The following ACIN1 variants were observed in gnomAD, a reference collection of about 807,000 sequenced individuals.
The protein encoded by ACIN1 is apoptotic chromatin condensation inducer 1.
In ACIN1, 16 loss-of-function variants were observed where a neutral mutation model predicts 146.6. That is an observed-to-expected ratio of 0.11 (90% CI 0.07 to 0.17). The LOEUF (loss-of-function observed/expected upper bound fraction) is 0.17. ACIN1 is among the 10% of genes least tolerant of loss of function. ACIN1 has a pLI of 1.00. For synonymous variants in ACIN1, 569 were observed against 582.7 expected, an observed-to-expected ratio of 0.98 and a Z score of 0.34; for missense variants, 1,357 against 1,609.3, an observed-to-expected ratio of 0.84 and a Z score of 2.68.
At chr14:23,086,806 G>T (rs1276824165) in intron 4 of ACIN1, among the ~76,000 whole-genome samples, 1 of 152,090 alleles carries the variant, frequency 6.6e-6, no homozygotes, top group African/African-American at 2.4e-5. Flanking sequence ...TTGGAATTTT[G>T]CCAATAGCAT....
rs1365490657 is a variant in ACIN1 at position 23,080,366 on chromosome 14, C to T, written c.969G>A (p.Lys323=). 1 of 1,614,178 alleles carries T rather than the reference C, an allele frequency of 6.2e-7. No homozygotes were observed. The highest frequency in any genetic ancestry group is 1.3e-5 in the African/African-American group (1 of 75,032). ...GAGGGGAAGGAGACTTCGATTTTTC[C>T]TTTAAGCCTTGTGAAGATTTTATTT... is the stretch of plus-strand genomic sequence containing the variant. ...EREIKSSQGL[K]EKSKSPSPPR... is the part of the protein sequence containing the mutation. Residue 323 remains lysine (K), a synonymous_variant, in exon 6 of 19, where the codon AAG becomes AAA. Transcript: ENST00000605057.
rs2047500878 is a variant in ACIN1 at position 23,067,628 on chromosome 14, A to G, written c.2266-1620T>C. The G allele has an allele frequency of 1.0e-6, 1 of 985,848 alleles. No homozygotes were observed. The highest frequency in any genetic ancestry group is 6.1e-5 in the Admixed American group (1 of 16,270). 61.1% of individuals were successfully genotyped at this position (985,848 alleles called of 1,614,324 possible). A position where few individuals can be genotyped will look rare whatever the true frequency, so the allele number is the denominator to read the frequency against. On this transcript the variant is annotated intron_variant, in intron 9 of 18. Transcript: ENST00000605057. The surrounding 1 kb of genome is among the most constrained non-coding windows in gnomAD (Gnocchi z 4.6). ...GGCAGAGACATCAGTCCTGGCCCTG[A>G]AGGGACATCATCTTGCAGTCCCTGA... is the stretch of plus-strand genomic sequence containing the variant.
Position 23,080,052 on chromosome 14 carries a change from G to T in ACIN1, c.1283C>A (p.Thr428Asn). Residue 428 changes from threonine (T) to asparagine (N), a missense_variant, in exon 6 of 19, where the codon ACC (threonine) becomes AAC (asparagine). Thr to Asn is a moderately conservative substitution (Grantham distance 65). Around this residue, in one of 4 missense-constraint regions of ACIN1, gnomAD observed 771 missense variants for 746.6 expected, o/e 1.03. Transcript: ENST00000605057. Reference sequence around the variant, plus strand: ...TTTCTCTGCTGGAGATTCTGCTTTGGTGTCTGAAGGACTTGACAAAGGAGA... The same window carrying T: ...TTTCTCTGCTGGAGATTCTGCTTTGTTGTCTGAAGGACTTGACAAAGGAGA... ...GLSPLSSPSDTKAESPAEKVP... is the reference protein window; with the variant it reads ...GLSPLSSPSDNKAESPAEKVP... 1 of 1,614,160 alleles carries T rather than the reference G, an allele frequency of 6.2e-7. No individual in the cohort carries two copies. The highest frequency in any genetic ancestry group is 8.5e-7 in the Non-Finnish European group (1 of 1,180,034).
intron 10 of ACIN1, among the ~76,000 whole-genome samples, chr14:23,065,694 T>C (rs2047431079): frequency 6.6e-6 from 1 of 152,236 alleles, no homozygotes; most frequent in Admixed American, 6.5e-5. Context: ...TCTGAAAGAA[T>C]AAATGCCTCT....
At chr14:23,088,536 C>T (rs887749227) in intron 4 of ACIN1, among the ~76,000 whole-genome samples, 3 of 152,290 alleles carry the variant, frequency 2.0e-5, no homozygotes, top group East Asian at 1.9e-4. Flanking sequence ...TCTATCGCTG[C>T]TCAGCCTTTT....
chr14:23,095,281 C>A (rs775386016), upstream of ACIN1: 48 of 1,596,820 alleles, frequency 3.0e-5, 1 homozygote, highest in East Asian at 1.0e-3. Flanking sequence ...GTTTCCGTCT[C>A]CACATCGTTA....
chr14:23,087,675 T>A (rs2048122023), intron 4 of ACIN1, among the ~76,000 whole-genome samples: 1 of 151,952 alleles, frequency 6.6e-6, no homozygotes, highest in East Asian at 1.9e-4. Context: ...CTATTAAGAA[T>A]TTTCAATGGT....
rs781754542 is a variant in ACIN1 at position 23,059,107 on chromosome 14, G to A, written c.*41C>T. On this transcript the variant is annotated 3_prime_UTR_variant, in exon 19 of 19. Coordinates refer to ENST00000605057, the MANE Select transcript of ACIN1 (RefSeq NM_001386863.1). ...ATCCCTCTGTGGCCATAACCCCCTG[G>A]GGCCGAGTGGCTGGTACCTGCAGCT... 79 of 1,597,116 alleles carry A rather than the reference G, an allele frequency of 4.9e-5. No homozygotes were observed. The highest frequency in any genetic ancestry group is 6.7e-5 in the Non-Finnish European group (78 of 1,170,130).
At position 23,078,175 on chromosome 14, in the gene ACIN1, T is replaced by A. The variant is rs1566746807; in HGVS notation, c.2099A>T (p.Glu700Val). ...TSETQTSHLP[E>V]SERIHHTVEE... ...CACAGTGTGATGAATTCTTTCTGAT[T>A]CTGGCAGATGAGAGGTCTGAGTCTC... Residue 700 changes from glutamate to valine, a missense_variant, in exon 8 of 19, where the codon GAA becomes GTA. Around this residue, in one of 4 missense-constraint regions of ACIN1, gnomAD observed 771 missense variants for 746.6 expected, o/e 1.03. Transcript: ENST00000605057. The A allele has an allele frequency of 6.2e-7, 1 of 1,614,218 alleles. No homozygotes were observed. Among genetic ancestry groups the A allele is most frequent in the Non-Finnish European group, 8.5e-7 (1 of 1,180,020 alleles).
intron 4 of ACIN1, among the ~76,000 whole-genome samples, chr14:23,087,934 A>T (rs1473637591): frequency 6.6e-6 from 1 of 152,162 alleles, no homozygotes; most frequent in Admixed American, 6.5e-5. Context: ...ACCATTTCTA[A>T]GGCTCAGCTC....
At chr14:23,078,580 A>G (rs987234885) in intron 7 of ACIN1, among the ~76,000 whole-genome samples, 4 of 152,150 alleles carry the variant, frequency 2.6e-5, no homozygotes, top group Admixed American at 1.3e-4. Flanking sequence ...TGGCAGATAA[A>G]AGGAGGAGTT....
At chr14:23,062,827 A>G (rs2047330698) in intron 14 of ACIN1, 102 bp downstream of exon 14, 2 of 1,308,986 alleles carry the variant, frequency 1.5e-6, no homozygotes, top group Non-Finnish European at 1.1e-6. Flanking sequence ...AACTTAATCT[A>G]TTGGTAGACC....
chr14:23,080,895 G>A (rs1027119856), intron 5 of ACIN1, 86 bp from the exon 6 acceptor site: 1 of 1,510,074 alleles, frequency 6.6e-7, no homozygotes, highest in African/African-American at 1.4e-5. Context: ...ACACCCCTAG[G>A]AAGGAGAAAT....
At chr14:23,088,939 T>C (rs1194930305) in intron 4 of ACIN1, among the ~76,000 whole-genome samples, 1 of 152,208 alleles carries the variant, frequency 6.6e-6, no homozygotes, top group Non-Finnish European at 1.5e-5. Flanking sequence ...CCTGCACATA[T>C]TTTCCTCAAA....
intron 5 of ACIN1, among the ~76,000 whole-genome samples, 189 bp downstream of exon 5, chr14:23,081,559 G>A (rs1317396463): frequency 6.6e-6 from 1 of 152,182 alleles, no homozygotes; most frequent in African/African-American, 2.4e-5. Flanking sequence ...AAGCCTAGGA[G>A]GTCGAGGCTG....
In ACIN1 at chr14:23,059,466, C is replaced by T. The variant is rs750512331; in HGVS notation, c.3534G>A (p.Gln1178=). Residue 1178 remains glutamine, a synonymous_variant, in exon 19 of 19, where the codon CAG becomes CAA. Transcript: ENST00000605057. ...CCCGTTCGGCCCGCTCTGCCTCTTT[C>T]TGAACGATCTGTAGCCAGGTAGGAA... ...WLPLTDSQIV[Q]KEAERAERAK... The T allele has an allele frequency of 1.2e-6, 2 of 1,613,636 alleles. No homozygotes were observed. The highest frequency in any genetic ancestry group is 1.7e-6 in the Non-Finnish European group (2 of 1,179,898).
chr14:23,080,778 T>G lies in ACIN1; in HGVS notation c.557A>C (p.Gln186Pro). 6.2e-7 allele frequency: 1 copy of G among 1,611,076 alleles called. No homozygotes were observed. The highest frequency in any genetic ancestry group is 8.5e-7 in the Non-Finnish European group (1 of 1,177,976). ...TTGATCCTCTTCCTCCTCAGCAGGT[T>G]GGCTGCCCTCAGACAGTTTAGCTGC... Reference protein sequence around the residue: ...ARAAKLSEGSQPAEEEEDQET... With the variant: ...ARAAKLSEGSPPAEEEEDQET... The change falls in exon 6 of 19, where the codon CAA becomes CCA. Residue 186 changes from glutamine (Q) to proline (P), a missense_variant. By Grantham distance (76) the Gln-to-Pro change is moderately conservative. Coordinates refer to ENST00000605057, the MANE Select transcript of ACIN1 (RefSeq NM_001386863.1).
At chr14:23,066,085 GGCAGTCTTA>G in intron 9 of ACIN1, 77 bp from the exon 10 acceptor site, 1 of 1,190,240 alleles carries the variant, frequency 8.4e-7, no homozygotes. Flanking sequence ...GGTTAGATGG[GGCAGTCTTA>G]GCTTAGCCTC....
upstream of ACIN1, chr14:23,095,412 T>G (rs2048353126): frequency 4.0e-6 from 5 of 1,250,458 alleles, no homozygotes; most frequent in Non-Finnish European, 5.5e-6. Context: ...GACCCTGGTA[T>G]AACCATAATC....
Sources: allele counts gnomAD v4.1 joint callset (sites outside exome capture counted in the v4.1 genomes callset), GRCh38; gene constraint gnomAD v4.1.1; regional missense constraint gnomAD v4.1.1; non-coding constraint Gnocchi (gnomAD v3.1); transcripts MANE v1.5; gene names NCBI Gene and HGNC (gene_info 2026-07-23, HGNC 2026-07-21).